The following FAM163B variants were observed in gnomAD, a reference collection of about 807,000 sequenced individuals.
The protein encoded by FAM163B is family with sequence similarity 163 member B.
In FAM163B, 4 loss-of-function variants were observed where a neutral mutation model predicts 7.6. The ratio of observed to expected loss-of-function variants is 0.52; its 90% confidence interval spans 0.26 to 1.20. The LOEUF is 1.20. Among genes scored for constraint, FAM163B ranks in the 50% most tolerant of loss-of-function variants. The probability of loss-of-function intolerance (pLI) is 0.14; values close to 1 mark genes in which losing one functional copy is unlikely to be tolerated. For missense variants in FAM163B, 250 were observed against 243.0 expected (o/e 1.03, Z -0.19); for synonymous variants, 120 against 111.6 (o/e 1.07, Z -0.47).
At chr9:133,581,939 G>C (rs1244323056) in intron 1 of FAM163B, among the ~76,000 whole-genome samples, 1 of 152,168 alleles carries the variant, frequency 6.6e-6, no homozygotes, top group Non-Finnish European at 1.5e-5. Context: ...ACTTCACTAG[G>C]AGTTACAAAG....
At chr9:133,588,628 GTTGAGGGAT>G (rs1831482311) in intron 1 of FAM163B, among the ~76,000 whole-genome samples, 2 of 152,158 alleles carry the variant, frequency 1.3e-5, no homozygotes, top group Non-Finnish European at 2.9e-5. Flanking sequence ...GATCTAGCAT[GTTGAGGGAT>G]CTAGCAGGTT....
chr9:133,593,456 TC>T (rs148269490), intron 1 of FAM163B, among the ~76,000 whole-genome samples: 9,934 of 152,108 alleles, frequency 0.065, 481 homozygotes, highest in Admixed American at 0.15. Flanking sequence ...ATACACCTGC[TC>T]CCAGGCCCTC....
chr9:133,600,025 CATGT>C lies in FAM163B; in HGVS notation c.-24+9048_-24+9051del, dbSNP rs761857565. Among the ~76,000 whole-genome samples, 104 of 133,092 alleles carry C rather than the reference CATGT, an allele frequency of 7.8e-4. No individual in the cohort carries two copies. Among genetic ancestry groups the C allele is most frequent in the Non-Finnish European group, 1.6e-3 (99 of 63,502 alleles). The allele number at this position is 133,092 out of a possible 152,430, so 87.3% of individuals were successfully genotyped here. A position where few individuals can be genotyped will look rare whatever the true frequency, so the allele number is the denominator to read the frequency against. On this transcript the variant is annotated intron_variant, in intron 1 of 2. Coordinates refer to ENST00000673969, the MANE Select transcript of FAM163B (RefSeq NM_001080515.3). This position sits in a 1 kb window ranked among gnomAD's most constrained non-coding sequence, Gnocchi z 4.9. Reference sequence around the variant, plus strand: ...TGTGTGGCCTGTGTGCATTTGTGTGCATGTATGTGTGGTCTGTGTGGATGTGTGT... The same window carrying C: ...TGTGTGGCCTGTGTGCATTTGTGTGCATGTGTGGTCTGTGTGGATGTGTGT...
chr9:133,597,871 C>T (rs944878042), intron 1 of FAM163B, among the ~76,000 whole-genome samples: 8 of 152,026 alleles, frequency 5.3e-5, no homozygotes, highest in Admixed American at 5.2e-4. Context: ...CAACCTGGAA[C>T]GTGCAATCCA....
At chr9:133,580,335 G>A (rs1465426799) in intron 1 of FAM163B, 89 bp from the exon 2 acceptor site, 16 of 1,107,002 alleles carry the variant, frequency 1.4e-5, no homozygotes, top group Admixed American at 2.1e-5. Flanking sequence ...AAGACAAGCT[G>A]AGGGGAAAAA....
intron 1 of FAM163B, among the ~76,000 whole-genome samples, chr9:133,593,726 C>T (rs973561768): frequency 2.6e-5 from 4 of 152,248 alleles, no homozygotes; most frequent in African/African-American, 4.8e-5. Flanking sequence ...AAGCACAGCC[C>T]GGTGCTGGGG....
At chr9:133,593,064 C>T (rs376065301) in intron 1 of FAM163B, among the ~76,000 whole-genome samples, 9 of 152,346 alleles carry the variant, frequency 5.9e-5, no homozygotes, top group Non-Finnish European at 1.2e-4. Context: ...TGCGCCTGTG[C>T]GGTGCGGGTC....
At chr9:133,581,269 T>C (rs1831351631) in intron 1 of FAM163B, among the ~76,000 whole-genome samples, 1 of 152,156 alleles carries the variant, frequency 6.6e-6, no homozygotes, top group Non-Finnish European at 1.5e-5. Flanking sequence ...TCAAGCAAGG[T>C]TTGACAAGCG....
At chr9:133,602,527 G>A (rs913150581) in intron 1 of FAM163B, among the ~76,000 whole-genome samples, 11 of 152,114 alleles carry the variant, frequency 7.2e-5, no homozygotes, top group Admixed American at 1.3e-4. Context: ...GGCCAGCAGC[G>A]AACAGGACGG....
chr9:133,581,880 G>T (rs1831361686), intron 1 of FAM163B, among the ~76,000 whole-genome samples: 1 of 152,128 alleles, frequency 6.6e-6, no homozygotes, highest in African/African-American at 2.4e-5. Flanking sequence ...GATTCCGGGG[G>T]GTCTCCCAGC....
rs935725766 is a variant in FAM163B, at chr9:133,583,960, G to A, written c.-23-3714C>T. Among the ~76,000 whole-genome samples, 9 of 152,210 alleles carry A rather than the reference G, an allele frequency of 5.9e-5. No individual in the cohort carries two copies. The East Asian group carries it at 1.5e-3, about 26-fold the overall frequency. On this transcript the variant is annotated intron_variant, in intron 1 of 2. Transcript: ENST00000673969. ...CTGACATCAGACCACAGTTCACTCC[G>A]AGCAGCTCCCAAAAACACGGCCTCC... is the stretch of plus-strand genomic sequence containing the variant.
At chr9:133,594,785 G>C (rs553604567) in intron 1 of FAM163B, among the ~76,000 whole-genome samples, 1 of 152,018 alleles carries the variant, frequency 6.6e-6, no homozygotes, top group Admixed American at 6.5e-5. Context: ...CTGAGTGAGG[G>C]GCCCAGATGC....
chr9:133,602,728 G>A (rs1277888937), intron 1 of FAM163B, among the ~76,000 whole-genome samples: 3 of 152,304 alleles, frequency 2.0e-5, no homozygotes, highest in South Asian at 4.1e-4. Flanking sequence ...CAAGGCAGGA[G>A]GCTTCTGCAT....
At chr9:133,585,529 T>G (rs1441892078) in intron 1 of FAM163B, among the ~76,000 whole-genome samples, 3 of 152,214 alleles carry the variant, frequency 2.0e-5, no homozygotes, top group Non-Finnish European at 4.4e-5. Context: ...AATGAAGGCT[T>G]CTGTCTGCCT....
chr9:133,594,593 T>C (rs1831604214), intron 1 of FAM163B, among the ~76,000 whole-genome samples: 1 of 152,176 alleles, frequency 6.6e-6, no homozygotes. Context: ...ATTTATAGTT[T>C]ATTAATAATT....
intron 1 of FAM163B, among the ~76,000 whole-genome samples, chr9:133,604,960 T>A (rs2131264923): frequency 6.6e-6 from 1 of 152,324 alleles, no homozygotes; most frequent in Admixed American, 6.5e-5. Flanking sequence ...ACAGAAACTG[T>A]GGACCTCCTC....
chr9:133,607,192 C>G (rs759190798), intron 1 of FAM163B, among the ~76,000 whole-genome samples: 12 of 152,148 alleles, frequency 7.9e-5, no homozygotes, highest in Non-Finnish European at 1.3e-4. Context: ...AGAGGGGGGA[C>G]ATGAAATGAT....
At position 133,579,424 on chromosome 9, in the gene FAM163B, G is replaced by A. The variant is rs2131209336; in HGVS notation, c.99C>T (p.Tyr33=). ...AVLCYCRLQY[Y]CCKKDESEED... is the part of the protein sequence containing the mutation. Reference sequence around the variant, plus strand: ...CCTCCGACTCGTCCTTCTTGCAGCAGTAGTACTGCGGGCAGAGGGACGGTG... The same window carrying A: ...CCTCCGACTCGTCCTTCTTGCAGCAATAGTACTGCGGGCAGAGGGACGGTG... Residue 33 remains tyrosine, a synonymous_variant, in exon 3 of 3, where the codon TAC becomes TAT. Transcript: ENST00000673969. 6.3e-7 allele frequency: 1 copy of A among 1,596,710 alleles called. No homozygotes were observed. The highest frequency in any genetic ancestry group is 1.3e-5 in the African/African-American group (1 of 74,876).
Position 133,601,666 on chromosome 9 carries a change from C to G in FAM163B, c.-24+7411G>C, listed in dbSNP as rs1564197810. On this transcript the variant is annotated intron_variant, in intron 1 of 2. Transcript: ENST00000673969. The surrounding 1 kb of genome is among the most constrained non-coding windows in gnomAD (Gnocchi z 4.1). The stretch of plus-strand genomic sequence containing the variant: ...TCCCTTCTTCCCTGAGGATGTTTTG[C>G]TGGTTTTGAATGTTTTGAGTGAAGA... Among the ~76,000 whole-genome samples the G allele has an allele frequency of 1.3e-5, 2 of 152,208 alleles. No homozygotes were observed. The highest frequency in any genetic ancestry group is 2.9e-5 in the Non-Finnish European group (2 of 68,042).
Sources: allele counts gnomAD v4.1 joint callset (sites outside exome capture counted in the v4.1 genomes callset), GRCh38; gene constraint gnomAD v4.1.1; non-coding constraint Gnocchi (gnomAD v3.1); transcripts MANE v1.5; gene names NCBI Gene and HGNC (gene_info 2026-07-23, HGNC 2026-07-21).